The following NCKAP1 variants were observed in gnomAD, a reference collection of about 807,000 sequenced individuals.
The protein encoded by NCKAP1 is NCK associated protein 1.
NCKAP1 carries 21 observed loss-of-function variants against 151.2 expected under a neutral mutation model. That is an observed-to-expected ratio of 0.14 (90% CI 0.10 to 0.20). NCKAP1 has a LOEUF of 0.20. Among genes scored for constraint, NCKAP1 ranks in the 10% least tolerant of loss-of-function variants. The probability of loss-of-function intolerance (pLI) is 1.00; values close to 1 mark genes in which losing one functional copy is unlikely to be tolerated. For synonymous variants in NCKAP1, 484 were observed against 451.8 expected (o/e 1.07, Z -0.90); for missense variants, 933 against 1,352.1 (o/e 0.69, Z 4.86).
rs1326190358 is a variant in NCKAP1, at chr2:182,961,163, A to G, written c.1881+996T>C. Among the ~76,000 whole-genome samples, 4 of 152,316 alleles carry G rather than the reference A, an allele frequency of 2.6e-5. No individual in the cohort carries two copies. In the East Asian group the frequency reaches 7.7e-4, roughly 29 times the overall value. On this transcript the variant is annotated intron_variant, in intron 18 of 30. Coordinates refer to ENST00000361354, the MANE Select transcript of NCKAP1 (RefSeq NM_013436.5). ...TGTAAACTAGTTCAACCATTGTGGA[A>G]GTCAGTGTGGCGATTCCTCAAGGAT...
chr2:183,012,591 A>G (rs1354084680), intron 2 of NCKAP1, among the ~76,000 whole-genome samples: 1 of 148,036 alleles, frequency 6.8e-6, no homozygotes, highest in Admixed American at 6.7e-5. Context: ...TCACTCTACC[A>G]TCTTTTTACT....
chr2:182,926,385 C>T (rs914376170), intron 30 of NCKAP1, among the ~76,000 whole-genome samples: 9 of 151,890 alleles, frequency 5.9e-5, no homozygotes, highest in Admixed American at 3.9e-4. Flanking sequence ...GAAAGAGCCA[C>T]GTGGTAGAAA....
intron 9 of NCKAP1, among the ~76,000 whole-genome samples, chr2:182,988,797 T>C (rs541014131): frequency 6.6e-6 from 1 of 152,162 alleles, no homozygotes; most frequent in South Asian, 2.1e-4. Context: ...TATTACATGT[T>C]TTGAAAGGTC....
rs962938267 is a variant in NCKAP1, at chr2:182,956,330, A to G, written c.2153+132T>C. ...GCTGGGATTATAGGCGTGAGCCACCACGCCCGGCCCGGTTCATTATTCTTA... is the reference window on the plus strand; with the variant it reads ...GCTGGGATTATAGGCGTGAGCCACCGCGCCCGGCCCGGTTCATTATTCTTA... On this transcript the variant is annotated intron_variant, in intron 20 of 30. Transcript: ENST00000361354. 6.8e-6 allele frequency: 8 copies of G among 1,179,514 alleles called. No homozygotes were observed. In the African/African-American group the frequency reaches 1.1e-4, roughly 16 times the overall value. The allele number at this position is 1,179,514 out of a possible 1,614,324, so 73.1% of individuals were successfully genotyped here.
At chr2:182,985,800 CAA>C (rs79099011) in intron 10 of NCKAP1, among the ~76,000 whole-genome samples, 24 of 69,576 alleles carry the variant, frequency 3.4e-4, no homozygotes, top group Non-Finnish European at 3.0e-4. Flanking sequence ...GAGACTGTCT[CAA>C]AAAAAAAAAA....
In NCKAP1 at chr2:182,916,985, G is replaced by GA. The variant is rs926250539; in HGVS notation, c.*8716dup. 2.6e-5 allele frequency: 4 copies of GA among 152,124 alleles called. No individual in the cohort carries two copies. The highest frequency in any genetic ancestry group is 9.7e-5 in the African/African-American group (4 of 41,440). The allele number at this position is 152,124 out of a possible 1,614,324, so 9.4% of individuals were successfully genotyped here. On this transcript the variant is annotated 3_prime_UTR_variant, in exon 31 of 31. Transcript: ENST00000361354. ...ATATTATAATACTCATAAAAGCCAT[G>GA]AAAAAACTCTTTGAAGGCAATTTTA...
chr2:182,989,862 T>G (rs923833718), intron 8 of NCKAP1, among the ~76,000 whole-genome samples: 2 of 151,178 alleles, frequency 1.3e-5, no homozygotes, highest in African/African-American at 2.4e-5. Flanking sequence ...TAGACAGGAG[T>G]GTTGGTGCGC....
intron 2 of NCKAP1, among the ~76,000 whole-genome samples, chr2:183,023,452 T>C (rs1698832900): frequency 6.6e-6 from 1 of 152,126 alleles, no homozygotes; most frequent in Non-Finnish European, 1.5e-5. Context: ...TATGCAGACA[T>C]TTACTAACTT....
chr2:182,995,609 C>A, intron 7 of NCKAP1, 92 bp downstream of exon 7: 1 of 1,207,274 alleles, frequency 8.3e-7, no homozygotes, highest in Non-Finnish European at 1.2e-6. Flanking sequence ...TAAGCTAATG[C>A]TAATTAGAAA....
chr2:182,982,277 C>T (rs564102748), intron 12 of NCKAP1, among the ~76,000 whole-genome samples: 5 of 152,218 alleles, frequency 3.3e-5, no homozygotes, highest in African/African-American at 1.2e-4. Flanking sequence ...TTTGACTTTG[C>T]AGTCTAATTA....
rs780533603 is a variant in NCKAP1, at chr2:182,957,599, A to G, written c.1882-3T>C. ...TTGGCACAATGCTTGGGTAGCAACTAAATTTAGAAAAGAATGAAATCTTAC... is the reference window on the plus strand; with the variant it reads ...TTGGCACAATGCTTGGGTAGCAACTGAATTTAGAAAAGAATGAAATCTTAC... On this transcript the variant is annotated splice_polypyrimidine_tract_variant and splice_region_variant and intron_variant, in intron 18 of 30. Coordinates refer to ENST00000361354, the MANE Select transcript of NCKAP1 (RefSeq NM_013436.5). The G allele has an allele frequency of 2.5e-6, 4 of 1,609,188 alleles. No homozygotes were observed. The highest frequency in any genetic ancestry group is 2.5e-6 in the Non-Finnish European group (3 of 1,178,678).
At position 183,038,414 on chromosome 2, in the gene NCKAP1, G is replaced by GTGT. The variant is rs879803831; in HGVS notation, c.-318_-316dup. 4.6e-6 allele frequency: 1 copy of GTGT among 216,234 alleles called. No homozygotes were observed. Among genetic ancestry groups the GTGT allele is most frequent in the Non-Finnish European group, 8.7e-6 (1 of 114,356 alleles). 13.4% of individuals were successfully genotyped at this position (216,234 alleles called of 1,614,324 possible). ...CCGCCTTCCCCGGCTGCTCCACTAG[G>GTGT]TGTGGCGGCGGCGGCGGCGGCGGCG... On this transcript the variant is annotated 5_prime_UTR_variant, in exon 1 of 31. Transcript: ENST00000361354.
chr2:182,983,420 A>G, intron 10 of NCKAP1, 38 bp from the exon 11 acceptor site: 1 of 1,430,898 alleles, frequency 7.0e-7, no homozygotes, highest in Non-Finnish European at 9.8e-7. Context: ...ATCTGCTTCT[A>G]CTAAAATTAT....
chr2:182,956,913 T>C (rs1191889514), intron 19 of NCKAP1: 2 of 193,628 alleles, frequency 1.0e-5, no homozygotes, highest in Non-Finnish European at 2.1e-5. Context: ...AGAAGGAAAG[T>C]TGTCTATAAA....
At chr2:183,030,195 C>T (rs1458124756) in intron 1 of NCKAP1, among the ~76,000 whole-genome samples, 2 of 152,078 alleles carry the variant, frequency 1.3e-5, no homozygotes, top group African/African-American at 4.8e-5. Flanking sequence ...CAGTTCAATC[C>T]ATTTTATTTT....
At chr2:182,997,134 C>T (rs1481003467) in intron 6 of NCKAP1, among the ~76,000 whole-genome samples, 1 of 152,166 alleles carries the variant, frequency 6.6e-6, no homozygotes. Flanking sequence ...CATCTTCTCT[C>T]TCTCTTTTTT....
chr2:183,006,141 A>C (rs1698468368), intron 2 of NCKAP1, among the ~76,000 whole-genome samples: 1 of 152,218 alleles, frequency 6.6e-6, no homozygotes, highest in Non-Finnish European at 1.5e-5. Flanking sequence ...TTATAATGAC[A>C]AACTTCAAAG....
intron 1 of NCKAP1, among the ~76,000 whole-genome samples, chr2:183,029,914 G>T (rs183605794): frequency 3.5e-4 from 53 of 151,648 alleles, no homozygotes; most frequent in Non-Finnish European, 5.7e-4. Context: ...CATTTACTGT[G>T]CAATTATTGT....
intron 2 of NCKAP1, 83 bp downstream of exon 2, chr2:183,023,723 A>G (rs1698837674): frequency 9.6e-7 from 1 of 1,039,708 alleles, no homozygotes; most frequent in Admixed American, 2.2e-5. Context: ...TAGGTAAATA[A>G]GAGCTACTAT....
Sources: allele counts gnomAD v4.1 joint callset (sites outside exome capture counted in the v4.1 genomes callset), GRCh38; gene constraint gnomAD v4.1.1; transcripts MANE v1.5; gene names NCBI Gene and HGNC (gene_info 2026-07-23, HGNC 2026-07-21).